CD36: variants seen among roughly 807,000 people sequenced by gnomAD.
The protein encoded by CD36 is CD36 molecule (CD36 blood group).
A neutral mutation model predicts 55.2 loss-of-function variants in CD36; 119 were observed. The observed-to-expected ratio is 2.15, with a 90% CI of 1.86 to 2.51. CD36 has a LOEUF of 2.51. Among genes scored for constraint, CD36 ranks in the 30% most tolerant of loss-of-function variants. CD36 has a pLI of 0.00. For missense variants in CD36, 819 were observed against 555.5 expected, an observed-to-expected ratio of 1.47 and a Z score of -4.77; for synonymous variants, 186 against 193.6, an observed-to-expected ratio of 0.96 and a Z score of 0.33.
At chr7:80,632,594 A>G (rs1794147425) in intron 1 of CD36, among the ~76,000 whole-genome samples, 1 of 152,040 alleles carries the variant, frequency 6.6e-6, no homozygotes, top group East Asian at 1.9e-4. Flanking sequence ...AATGGAACAA[A>G]AAATCATTTT....
intron 1 of CD36, among the ~76,000 whole-genome samples, chr7:80,604,953 C>T (rs1792460644): frequency 6.6e-6 from 1 of 152,034 alleles, no homozygotes; most frequent in Admixed American, 6.6e-5. Context: ...GTTGGAACTT[C>T]ACTGTAACTT....
chr7:80,653,395 A>G (rs1224281699), intron 3 of CD36, among the ~76,000 whole-genome samples: 2 of 152,226 alleles, frequency 1.3e-5, no homozygotes, highest in Non-Finnish European at 2.9e-5. Flanking sequence ...AAGTGAGTGC[A>G]TGACTACATA....
intron 8 of CD36, among the ~76,000 whole-genome samples, chr7:80,666,701 T>C (rs1369054099): frequency 6.6e-6 from 1 of 152,220 alleles, no homozygotes; most frequent in African/African-American, 2.4e-5. Flanking sequence ...AATTAGCCCT[T>C]ACTGCATGAT....
intron 3 of CD36, among the ~76,000 whole-genome samples, chr7:80,653,556 A>T (rs939193042): frequency 1.3e-5 from 2 of 152,196 alleles, no homozygotes; most frequent in African/African-American, 4.8e-5. Context: ...GGTAGTCTGC[A>T]TGCTTAGAGT....
chr7:80,660,098 C>T (rs1225385304), intron 4 of CD36, among the ~76,000 whole-genome samples: 2 of 152,076 alleles, frequency 1.3e-5, no homozygotes, highest in Non-Finnish European at 2.9e-5. Flanking sequence ...TAAGTCTTTA[C>T]CTTGGCTATC....
Position 80,663,030 on chromosome 7 carries a change from T to A in CD36, c.470T>A (p.Ile157Asn), listed in dbSNP as rs769902176. ...TATCAAAATCAATTTGTTCAAATGA[T>A]CCTCAATTCACTTATTAACAAGTCA... is the stretch of plus-strand genomic sequence containing the variant. ...HIYQNQFVQM[I>N]LNSLINKSKS... Residue 157 changes from isoleucine (I) to asparagine (N), a missense_variant, in exon 6 of 15, where the codon ATC (isoleucine) becomes AAC (asparagine). Coordinates refer to ENST00000447544, the MANE Select transcript of CD36 (RefSeq NM_001001548.3). The A allele has an allele frequency of 1.2e-5, 19 of 1,613,514 alleles. No individual in the cohort carries two copies. Among genetic ancestry groups the A allele is most frequent in the Non-Finnish European group, 1.6e-5 (19 of 1,179,598 alleles).
chr7:80,602,746 G>A (rs1300961652), intron 1 of CD36, among the ~76,000 whole-genome samples: 1 of 152,008 alleles, frequency 6.6e-6, no homozygotes, highest in South Asian at 2.1e-4. Flanking sequence ...TCTTATTTAT[G>A]TTTTCTGATA....
intron 8 of CD36, among the ~76,000 whole-genome samples, 161 bp downstream of exon 8, chr7:80,666,650 T>C (rs1219439254): frequency 6.6e-6 from 1 of 152,212 alleles, no homozygotes; most frequent in Non-Finnish European, 1.5e-5. Flanking sequence ...AGGCTAAAGG[T>C]CTGTTCAATG....
At chr7:80,643,030 C>T (rs1341498832) in intron 1 of CD36, among the ~76,000 whole-genome samples, 1 of 152,150 alleles carries the variant, frequency 6.6e-6, no homozygotes, top group Admixed American at 6.6e-5. Flanking sequence ...CATTGCTCAA[C>T]ATATCTAGGC....
At chr7:80,618,377 T>A (rs960544754) in intron 1 of CD36, among the ~76,000 whole-genome samples, 1 of 152,152 alleles carries the variant, frequency 6.6e-6, no homozygotes, top group African/African-American at 2.4e-5. Context: ...TTTATAACCC[T>A]ACAATGGCCT....
intron 1 of CD36, among the ~76,000 whole-genome samples, chr7:80,619,762 A>G (rs1049375263): frequency 5.9e-5 from 9 of 152,124 alleles, no homozygotes; most frequent in South Asian, 2.1e-4. Flanking sequence ...TCCAGATGCC[A>G]TTGATAATAT....
chr7:80,673,908 G>A (rs1231958942), intron 13 of CD36, 75 bp from the exon 14 acceptor site: 40 of 1,057,248 alleles, frequency 3.8e-5, no homozygotes, highest in Non-Finnish European at 5.1e-5. Flanking sequence ...TAGAAAAAAG[G>A]GTGATAGGCA....
chr7:80,617,172 T>C (rs1793210293), intron 1 of CD36, among the ~76,000 whole-genome samples: 1 of 152,080 alleles, frequency 6.6e-6, no homozygotes, highest in Admixed American at 6.6e-5. Context: ...GTTCAATTTT[T>C]GAAAATTAAA....
upstream of CD36, chr7:80,638,530 G>A (rs1336793227): frequency 6.7e-6 from 1 of 148,720 alleles, no homozygotes; most frequent in Non-Finnish European, 1.5e-5. Context: ...CAATTCCTCT[G>A]GCAACAAACC....
At chr7:80,673,099 A>C (rs550364783) in intron 12 of CD36, 1 of 524,476 alleles carries the variant, frequency 1.9e-6, no homozygotes, top group Admixed American at 3.6e-5. Context: ...ACAATAATTA[A>C]TTTTTGGAAT....
intron 1 of CD36, among the ~76,000 whole-genome samples, chr7:80,623,366 G>A (rs769433091): frequency 2.0e-5 from 3 of 152,064 alleles, no homozygotes; most frequent in Non-Finnish European, 4.4e-5. Flanking sequence ...GCAGAGTTCT[G>A]AGCACATAGT....
intron 13 of CD36, 64 bp downstream of exon 13, chr7:80,673,473 G>A (rs1042866384): frequency 2.2e-6 from 2 of 921,900 alleles, no homozygotes; most frequent in Non-Finnish European, 3.6e-6. Flanking sequence ...AGCTCTTGAT[G>A]TTTCAAAAGA....
In CD36 at chr7:80,661,028, A is replaced by T. The variant is rs753149358; in HGVS notation, c.282-35A>T. On this transcript the variant is annotated intron_variant, in intron 4 of 14. Transcript: ENST00000447544. ...TGAGATCTAATGTTCACATATGACA[A>T]ATGTTTTGAATTTTGTTTACTGCTA... 6.0e-6 allele frequency: 9 copies of T among 1,503,022 alleles called. No individual in the cohort carries two copies. In the Admixed American group the frequency reaches 1.5e-4, roughly 25 times the overall value. The allele number at this position is 1,503,022 out of a possible 1,614,324, so 93.1% of individuals were successfully genotyped here. A position where few individuals can be genotyped will look rare whatever the true frequency, so the allele number is the denominator to read the frequency against.
chr7:80,631,300 G>A (rs1199822630), intron 1 of CD36, among the ~76,000 whole-genome samples: 1 of 152,002 alleles, frequency 6.6e-6, no homozygotes, highest in Non-Finnish European at 1.5e-5. Context: ...CTTTCATAAA[G>A]GCAGGGCTCA....
Sources: gnomAD v4.1 joint callset for allele counts (sites outside exome capture counted in the v4.1 genomes callset) on GRCh38, gnomAD v4.1.1 for gene constraint, MANE v1.5 for transcripts, NCBI Gene and HGNC (gene_info 2026-07-23, HGNC 2026-07-21) for gene names.